Variants in MTMR6 observed in about 807,000 individuals in gnomAD.
MTMR6 encodes myotubularin related protein 6, also known as phosphatidylinositol-3,5-bisphosphate 3-phosphatase MTMR6.
In MTMR6, 47 loss-of-function variants were observed where a neutral mutation model predicts 80.1. That is an observed-to-expected ratio of 0.59 (90% CI 0.46 to 0.75). The LOEUF is 0.75. MTMR6 is among the 30% of genes least tolerant of loss of function. MTMR6 has a pLI of 0.00. For synonymous variants in MTMR6, 254 were observed against 253.0 expected, an observed-to-expected ratio of 1.00 and a Z score of -0.04; for missense variants, 629 against 730.9, an observed-to-expected ratio of 0.86 and a Z score of 1.61.
intron 1 of MTMR6, among the ~76,000 whole-genome samples, chr13:25,277,957 A>G (rs1462874240): frequency 1.3e-5 from 2 of 152,276 alleles, no homozygotes; most frequent in East Asian, 3.9e-4. Flanking sequence ...TCTTTGTTAG[A>G]TCTTTAATTT....
intron 1 of MTMR6, among the ~76,000 whole-genome samples, chr13:25,280,315 C>T (rs1448557592): frequency 6.6e-6 from 1 of 152,140 alleles, no homozygotes; most frequent in Admixed American, 6.5e-5. Flanking sequence ...GGGTAATCTC[C>T]ATATGAATGT....
intron 1 of MTMR6, among the ~76,000 whole-genome samples, chr13:25,274,961 T>TACACACACACACATACAC (rs1957680857): frequency 9.5e-6 from 1 of 104,988 alleles, no homozygotes; most frequent in Non-Finnish European, 1.9e-5. Context: ...CACACACACA[T>TACACACACACACATACAC]ACACACACAC....
intron 11 of MTMR6, 47 bp downstream of exon 11, chr13:25,253,717 C>T (rs574037682): frequency 1.3e-4 from 192 of 1,519,238 alleles, no homozygotes; most frequent in South Asian, 1.0e-3. Flanking sequence ...TGTTAGACCT[C>T]GGCTAAGTAG....
chr13:25,271,102 TC>T (rs1342450845), intron 2 of MTMR6, among the ~76,000 whole-genome samples: 5 of 152,104 alleles, frequency 3.3e-5, no homozygotes, highest in East Asian at 1.9e-4. Context: ...CTGCCATTCC[TC>T]CCCCCCTTCC....
chr13:25,274,240 TTC>T, intron 1 of MTMR6, 53 bp from the exon 2 acceptor site: 1 of 1,268,696 alleles, frequency 7.9e-7, no homozygotes, highest in Non-Finnish European at 1.1e-6. Context: ...TAAATTATTT[TTC>T]TGTTAGCCCA....
intron 11 of MTMR6, 24 bp downstream of exon 11, chr13:25,253,740 A>T: frequency 6.3e-7 from 1 of 1,596,444 alleles, no homozygotes; most frequent in African/African-American, 1.3e-5. Flanking sequence ...GGAAAAGGAG[A>T]CTCTTTTAAT....
In MTMR6 at chr13:25,257,223, G is replaced by T; in HGVS notation, c.1068C>A (p.Ser356=). The T allele has an allele frequency of 6.2e-7, 1 of 1,613,684 alleles. No individual in the cohort carries two copies. Among genetic ancestry groups the T allele is most frequent in the South Asian group, 1.1e-5 (1 of 91,054 alleles). ...TGAATCCTTTGATTGTCCTGTAGTA[G>T]GAATCCAATAAAAGAGAACCCAGGG... The part of the protein sequence containing the change: ...VCSLGSLLLD[S]YYRTIKGFMV... Residue 356 remains serine (S), a synonymous_variant, in exon 9 of 14, where the codon TCC becomes TCA. Transcript: ENST00000381801.
At chr13:25,273,816 C>T (rs1030643151) in intron 2 of MTMR6, among the ~76,000 whole-genome samples, 7 of 152,122 alleles carry the variant, frequency 4.6e-5, no homozygotes, top group African/African-American at 1.4e-4. Flanking sequence ...TGAGCCACCG[C>T]ATCCGGCCTA....
At chr13:25,255,609 C>T (rs1461474387) in intron 9 of MTMR6, among the ~76,000 whole-genome samples, 4 of 152,076 alleles carry the variant, frequency 2.6e-5, no homozygotes, top group Admixed American at 6.6e-5. Flanking sequence ...CTGCAACCTC[C>T]GCCTCCTGGG....
chr13:25,268,678 C>T (rs1957506082), intron 2 of MTMR6, among the ~76,000 whole-genome samples: 1 of 152,176 alleles, frequency 6.6e-6, no homozygotes, highest in Non-Finnish European at 1.5e-5. Context: ...CAGTGAAGGC[C>T]ACTGTGAGGA....
intron 1 of MTMR6, among the ~76,000 whole-genome samples, chr13:25,284,466 G>A (rs1957917729): frequency 6.6e-6 from 1 of 152,034 alleles, no homozygotes; most frequent in South Asian, 2.1e-4. Flanking sequence ...TAATAATATT[G>A]TATAATTGGC....
chr13:25,287,141 A>G (rs1787217551), intron 1 of MTMR6, 83 bp downstream of exon 1: 1 of 1,526,268 alleles, frequency 6.6e-7, no homozygotes, highest in Middle Eastern at 1.7e-4. Context: ...AGCCCCAGTC[A>G]GGCCAGCAGA....
At chr13:25,250,606 A>G (rs1957063282) in intron 13 of MTMR6, among the ~76,000 whole-genome samples, 1 of 152,252 alleles carries the variant, frequency 6.6e-6, no homozygotes, top group Non-Finnish European at 1.5e-5. Context: ...TCCAAAACTG[A>G]AAACAATTTA....
chr13:25,275,881 G>GGGAGGGGAGGGGAGGGGAGGGGAGA (rs1566043120), intron 1 of MTMR6, among the ~76,000 whole-genome samples: 1 of 133,008 alleles, frequency 7.5e-6, no homozygotes, highest in African/African-American at 3.0e-5. Flanking sequence ...GGGAGGGGAG[G>GGGAGGGGAGGGGAGGGGAGGGGAGA]GGAGGGGAGG....
In MTMR6 at chr13:25,266,129, CT is replaced by C. The variant is rs1383326553; in HGVS notation, c.461del (p.Lys154ArgfsTer15). The part of the protein sequence containing the change: ...WQLSDANRDY[K>X]ICETYPRELY... ...TTTCTCCAAAATGTTGTTAAGGTAC[CT>C]TGTAGTCCCGGTTGGCATCAGACAA... On this transcript the variant is annotated frameshift_variant and splice_region_variant, in exon 4 of 14. Transcript: ENST00000381801. LOFTEE classifies it high-confidence loss of function. 1 of 1,613,300 alleles carries C rather than the reference CT, an allele frequency of 6.2e-7. No homozygotes were observed. The highest frequency in any genetic ancestry group is 1.7e-5 in the Admixed American group (1 of 59,840).
At chr13:25,252,766 T>C (rs1957118520) in intron 11 of MTMR6, among the ~76,000 whole-genome samples, 1 of 152,210 alleles carries the variant, frequency 6.6e-6, no homozygotes, top group Non-Finnish European at 1.5e-5. Context: ...CAAATTATAA[T>C]AAACTATTTT....
intron 1 of MTMR6, among the ~76,000 whole-genome samples, chr13:25,281,527 G>A (rs1411510276): frequency 1.2e-5 from 1 of 81,480 alleles, no homozygotes; most frequent in African/African-American, 2.6e-5. Context: ...CTTTATCCCT[G>A]AGGAAAAAGT....
At chr13:25,270,030 A>AT (rs1486593313) in intron 2 of MTMR6, among the ~76,000 whole-genome samples, 7 of 152,184 alleles carry the variant, frequency 4.6e-5, no homozygotes, top group Non-Finnish European at 1.0e-4. Flanking sequence ...ATTTTTAAAG[A>AT]TTTTGGTATA....
intron 1 of MTMR6, among the ~76,000 whole-genome samples, chr13:25,275,477 A>C (rs745474237): frequency 3.3e-5 from 5 of 151,936 alleles, no homozygotes; most frequent in Admixed American, 6.6e-5. Context: ...AGCAGGTTGC[A>C]GACAGTTTTT....
Sources: gnomAD v4.1 joint callset for allele counts (sites outside exome capture counted in the v4.1 genomes callset) on GRCh38, gnomAD v4.1.1 for gene constraint, MANE v1.5 for transcripts, NCBI Gene and HGNC (gene_info 2026-07-23, HGNC 2026-07-21) for gene names.